PTGFRN: variants seen among roughly 807,000 people sequenced by gnomAD.
PTGFRN encodes prostaglandin F2 receptor inhibitor.
In PTGFRN, 35 loss-of-function variants were observed where a neutral mutation model predicts 83.2. That is an observed-to-expected ratio of 0.42 (90% confidence interval 0.32 to 0.56). PTGFRN has a LOEUF of 0.56. Ranked by LOEUF, PTGFRN falls within the 20% of genes least tolerant of loss-of-function variation. The pLI, the probability that PTGFRN is intolerant of heterozygous loss-of-function variation, is 0.11. For missense variants in PTGFRN, 1,051 were observed against 1,179.5 expected (o/e 0.89, Z 1.60); for synonymous variants, 519 against 498.6 (o/e 1.04, Z -0.55).
chr1:116,971,026 T>G (rs1650981087), intron 6 of PTGFRN, among the ~76,000 whole-genome samples: 1 of 152,222 alleles, frequency 6.6e-6, no homozygotes, highest in Non-Finnish European at 1.5e-5. Context: ...TATAGAAAAT[T>G]TGAAAATATA....
intron 1 of PTGFRN, among the ~76,000 whole-genome samples, chr1:116,921,118 A>G (rs941833956): frequency 1.3e-5 from 2 of 152,236 alleles, no homozygotes; most frequent in African/African-American, 2.4e-5. Context: ...ACTTATGTGT[A>G]TGAGCTCAGT....
intron 5 of PTGFRN, among the ~76,000 whole-genome samples, chr1:116,963,131 C>G (rs1650720610): frequency 6.6e-6 from 1 of 152,218 alleles, no homozygotes; most frequent in African/African-American, 2.4e-5. Flanking sequence ...GCCCACAGAG[C>G]TAATGTGGTT....
intron 1 of PTGFRN, among the ~76,000 whole-genome samples, chr1:116,927,126 G>T (rs1443187106): frequency 6.6e-6 from 1 of 152,150 alleles, no homozygotes; most frequent in Non-Finnish European, 1.5e-5. Flanking sequence ...GTGTCTACTA[G>T]CACCTTCACA....
At chr1:116,917,026 C>T (rs1237867149) in intron 1 of PTGFRN, among the ~76,000 whole-genome samples, 5 of 151,916 alleles carry the variant, frequency 3.3e-5, no homozygotes, top group African/African-American at 9.7e-5. Flanking sequence ...TGGGAGAGCA[C>T]GCTGTCGGAA....
At chr1:116,985,098 T>A in intron 8 of PTGFRN, 113 bp downstream of exon 8, 1 of 1,144,140 alleles carries the variant, frequency 8.7e-7, no homozygotes, top group Non-Finnish European at 1.2e-6. Flanking sequence ...TAGCACGTCC[T>A]GCTTTCTTTC....
chr1:116,945,533 T>A (rs1650175824), intron 3 of PTGFRN, among the ~76,000 whole-genome samples: 1 of 152,160 alleles, frequency 6.6e-6, no homozygotes. Context: ...CTGCAGCTGT[T>A]GGAGTGTGTG....
intron 7 of PTGFRN, among the ~76,000 whole-genome samples, chr1:116,978,234 G>T (rs1311660272): frequency 6.6e-6 from 1 of 152,232 alleles, no homozygotes; most frequent in Non-Finnish European, 1.5e-5. Context: ...ATAATTAATA[G>T]CCTACCAACC....
At chr1:116,916,687 A>C (rs1419645893) in intron 1 of PTGFRN, among the ~76,000 whole-genome samples, 4 of 152,194 alleles carry the variant, frequency 2.6e-5, no homozygotes. Flanking sequence ...TCTCTCCTTC[A>C]CTTGGTGAAC....
chr1:116,910,370 G>T, intron 1 of PTGFRN, 118 bp downstream of exon 1: 1 of 962,774 alleles, frequency 1.0e-6, no homozygotes, highest in Non-Finnish European at 1.3e-6. Context: ...CTGCTCCCGG[G>T]AAACCCGGCC....
At chr1:116,977,217 A>G (rs962052801) in intron 7 of PTGFRN, among the ~76,000 whole-genome samples, 2 of 152,238 alleles carry the variant, frequency 1.3e-5, no homozygotes, top group Non-Finnish European at 2.9e-5. Flanking sequence ...ACCTAGATTC[A>G]TAAAACAAGT....
intron 6 of PTGFRN, 46 bp from the exon 7 acceptor site, chr1:116,974,170 A>G: frequency 7.0e-7 from 1 of 1,431,486 alleles, no homozygotes. Flanking sequence ...GGAATTTGAC[A>G]AAAGCATGAA....
intron 6 of PTGFRN, among the ~76,000 whole-genome samples, chr1:116,968,275 A>G (rs142878413): frequency 1.8e-4 from 27 of 146,430 alleles, no homozygotes; most frequent in Non-Finnish European, 3.4e-4. Context: ...TCAGGTGTCA[A>G]TTGAATCATA....
At chr1:116,950,828 A>T (rs1650326015) in intron 4 of PTGFRN, among the ~76,000 whole-genome samples, 2 of 152,180 alleles carry the variant, frequency 1.3e-5, no homozygotes, top group Admixed American at 1.3e-4. Flanking sequence ...CTGAAAAGTA[A>T]AAGAAGCGGG....
intron 1 of PTGFRN, among the ~76,000 whole-genome samples, chr1:116,927,442 T>C (rs1030216734): frequency 2.6e-5 from 4 of 152,160 alleles, no homozygotes; most frequent in African/African-American, 9.7e-5. Context: ...ATTCAGTTAG[T>C]TAATGATCCA....
intron 1 of PTGFRN, among the ~76,000 whole-genome samples, chr1:116,940,198 G>A (rs553538912): frequency 1.3e-5 from 2 of 152,336 alleles, no homozygotes; most frequent in Admixed American, 6.5e-5. Flanking sequence ...GCCTCACAAT[G>A]CCAGAGGCCA....
At chr1:116,933,624 A>G (rs1017894517) in intron 1 of PTGFRN, among the ~76,000 whole-genome samples, 2 of 152,150 alleles carry the variant, frequency 1.3e-5, no homozygotes, top group Non-Finnish European at 2.9e-5. Context: ...TTTTGGTGCA[A>G]TTAATTCTTT....
At chr1:116,932,622 C>G (rs1649826784) in intron 1 of PTGFRN, among the ~76,000 whole-genome samples, 1 of 145,486 alleles carries the variant, frequency 6.9e-6, no homozygotes, top group Non-Finnish European at 1.5e-5. Flanking sequence ...CCAGTTTCTT[C>G]TATTCTCTCA....
chr1:116,930,074 A>G (rs768009950), intron 1 of PTGFRN, among the ~76,000 whole-genome samples: 50 of 152,252 alleles, frequency 3.3e-4, no homozygotes, highest in Non-Finnish European at 6.0e-4. Context: ...AAACAAAGGC[A>G]TATAGTAGGA....
At chr1:116,930,760 C>T (rs947130137) in intron 1 of PTGFRN, among the ~76,000 whole-genome samples, 8 of 152,170 alleles carry the variant, frequency 5.3e-5, no homozygotes, top group Non-Finnish European at 8.8e-5. Context: ...CATGTCTCCT[C>T]TCCAGTCTGC....
Sources: gnomAD v4.1 joint callset for allele counts (sites outside exome capture counted in the v4.1 genomes callset) on GRCh38, gnomAD v4.1.1 for gene constraint, MANE v1.5 for transcripts, NCBI Gene and HGNC (gene_info 2026-07-23, HGNC 2026-07-21) for gene names.